The following CAMK2A variants were observed in gnomAD, a reference collection of about 807,000 sequenced individuals.
The protein encoded by CAMK2A is calcium/calmodulin-dependent protein kinase type II subunit alpha.
CAMK2A carries 7 observed loss-of-function variants against 79.2 expected under a neutral mutation model. The ratio of observed to expected loss-of-function variants is 0.09; its 90% CI spans 0.05 to 0.17. CAMK2A has a LOEUF of 0.17. CAMK2A is among the 10% of genes least tolerant of loss of function. The probability of loss-of-function intolerance (pLI) is 1.00; values close to 1 mark genes in which losing one functional copy is unlikely to be tolerated. For missense variants in CAMK2A, 214 were observed against 646.4 expected (o/e 0.33, Z 7.25); for synonymous variants, 242 against 251.7 (o/e 0.96, Z 0.36).
At chr5:150,283,654 C>G (rs1163201089) in intron 1 of CAMK2A, among the ~76,000 whole-genome samples, 2 of 152,206 alleles carry the variant, frequency 1.3e-5, no homozygotes, top group Non-Finnish European at 2.9e-5. Context: ...GCTCACAATT[C>G]CATGTGTGTG....
Position 150,284,166 on chromosome 5 carries a change from G to A in CAMK2A, c.62+5398C>T, listed in dbSNP as rs1580960656. Among the ~76,000 whole-genome samples, 1 of 151,430 alleles carries A rather than the reference G, an allele frequency of 6.6e-6. No individual in the cohort carries two copies. Among genetic ancestry groups the A allele is most frequent in the Middle Eastern group, 3.5e-3 (1 of 286 alleles). On this transcript the variant is annotated intron_variant, in intron 1 of 18. Transcript: ENST00000671881. The surrounding 1 kb of genome is among the most constrained non-coding windows in gnomAD (Gnocchi z 5.3). Reference sequence around the variant, plus strand: ...GACAGAGGCAGAGTGAGACCAGAGAGACAGAGACAGAGTGAGACCAGAGAG... The same window carrying A: ...GACAGAGGCAGAGTGAGACCAGAGAAACAGAGACAGAGTGAGACCAGAGAG...
intron 2 of CAMK2A, among the ~76,000 whole-genome samples, chr5:150,268,327 C>G (rs1436436075): frequency 6.6e-6 from 1 of 152,162 alleles, no homozygotes; most frequent in African/African-American, 2.4e-5. Flanking sequence ...CTCCTCTCTG[C>G]CCTGACACAC....
intron 1 of CAMK2A, among the ~76,000 whole-genome samples, chr5:150,274,298 T>C (rs1756866714): frequency 6.6e-6 from 1 of 152,216 alleles, no homozygotes; most frequent in Non-Finnish European, 1.5e-5. Context: ...AAAAACATTG[T>C]CACCATGTAG....
intron 9 of CAMK2A, 116 bp downstream of exon 9, chr5:150,251,634 T>A: frequency 1.4e-6 from 1 of 705,646 alleles, no homozygotes; most frequent in Non-Finnish European, 2.3e-6. Context: ...CCCTGGTCAG[T>A]CTTCATGCTC....
intron 17 of CAMK2A, among the ~76,000 whole-genome samples, chr5:150,225,489 G>A (rs183378712): frequency 2.6e-5 from 4 of 152,302 alleles, no homozygotes; most frequent in African/African-American, 7.2e-5. Flanking sequence ...GATGGGGCCC[G>A]CTGCATAGAG....
chr5:150,289,493 C>CA, intron 1 of CAMK2A, 71 bp downstream of exon 1: 1 of 1,203,716 alleles, frequency 8.3e-7, no homozygotes, highest in African/African-American at 1.5e-5. Context: ...ACTGCAGGCA[C>CA]ACACACCCCA....
chr5:150,278,896 C>A (rs184142769), intron 1 of CAMK2A, among the ~76,000 whole-genome samples: 20 of 152,146 alleles, frequency 1.3e-4, no homozygotes, highest in African/African-American at 4.8e-4. Context: ...TCCACGTGAG[C>A]CAGAGGGTCA....
rs767890364 is a variant in CAMK2A, at chr5:150,251,741, G to A, written c.693+9C>T. On this transcript the variant is annotated intron_variant, in intron 9 of 18. Transcript: ENST00000671881. ...GATGATGGGAGCTGAAGAGAGGAGC[G>A]ACACTCACATCATAGGCGCCGGCTT... is the stretch of plus-strand genomic sequence containing the variant. 29 of 1,585,764 alleles carry A rather than the reference G, an allele frequency of 1.8e-5. No individual in the cohort carries two copies. Among genetic ancestry groups the A allele is most frequent in the Admixed American group, 9.0e-5 (5 of 55,840 alleles).
At position 150,245,146 on chromosome 5, in the gene CAMK2A, C is replaced by T. The variant is rs774900429; in HGVS notation, c.984+15G>A. 1 of 1,613,374 alleles carries T rather than the reference C, an allele frequency of 6.2e-7. No individual in the cohort carries two copies. The highest frequency in any genetic ancestry group is 1.1e-5 in the South Asian group (1 of 90,932). ...TGCCAGAGCCAAGCCCTGCCAGGCT[C>T]CTGGAGGGGCTTACCTTCACACCAT... On this transcript the variant is annotated intron_variant, in intron 13 of 18. Coordinates refer to ENST00000671881, the MANE Select transcript of CAMK2A (RefSeq NM_015981.4).
rs953537490 is a variant in CAMK2A at position 150,222,949 on chromosome 5, CT to C, written c.1466+39del. On this transcript the variant is annotated intron_variant, in intron 18 of 18. Transcript: ENST00000671881. ...CCCCCTCCAGGGCAACACTCCCATCCTTTACATTACCCTGGGAGGCAGGAAG... is the reference window on the plus strand; with the variant it reads ...CCCCCTCCAGGGCAACACTCCCATCCTTACATTACCCTGGGAGGCAGGAAG... 5.7e-6 allele frequency: 9 copies of C among 1,578,484 alleles called. No individual in the cohort carries two copies. In the Admixed American group the frequency reaches 1.2e-4, roughly 20 times the overall value.
chr5:150,265,813 G>A (rs1452414188), intron 2 of CAMK2A, among the ~76,000 whole-genome samples: 1 of 151,890 alleles, frequency 6.6e-6, no homozygotes, highest in African/African-American at 2.4e-5. Flanking sequence ...GTGGTGGCAG[G>A]TGCCTGTAAT....
chr5:150,280,600 A>G (rs1002059124), intron 1 of CAMK2A, among the ~76,000 whole-genome samples: 2 of 152,122 alleles, frequency 1.3e-5, no homozygotes, highest in Admixed American at 6.5e-5. Context: ...GCTCCATGGA[A>G]GAAATGCCTG....
At chr5:150,232,986 C>T (rs944725309) in intron 15 of CAMK2A, among the ~76,000 whole-genome samples, 6 of 152,242 alleles carry the variant, frequency 3.9e-5, no homozygotes, top group Non-Finnish European at 7.3e-5. Context: ...GCCCCTGAGG[C>T]CCCAGCTCAC....
In CAMK2A at chr5:150,265,033, A is replaced by AGG; in HGVS notation, c.158-19_158-18insCC. The AGG allele has an allele frequency of 6.2e-7, 1 of 1,600,446 alleles. No homozygotes were observed. The highest frequency in any genetic ancestry group is 8.6e-7 in the Non-Finnish European group (1 of 1,167,576). On this transcript the variant is annotated intron_variant, in intron 2 of 18. Coordinates refer to ENST00000671881, the MANE Select transcript of CAMK2A (RefSeq NM_015981.4). ...CTGATGGTCTGAAACACAGAGGCTCATGTGAGTCCCCGGTGAGGAAGGAAC... is the reference window on the plus strand; with the variant it reads ...CTGATGGTCTGAAACACAGAGGCTCAGGTGTGAGTCCCCGGTGAGGAAGGAAC...
chr5:150,264,878 C>A (rs1303848930), intron 3 of CAMK2A, 78 bp downstream of exon 3: 7 of 1,149,328 alleles, frequency 6.1e-6, no homozygotes, highest in Non-Finnish European at 7.9e-6. Context: ...CCACCCAACC[C>A]GCAAACACCC....
intron 11 of CAMK2A, among the ~76,000 whole-genome samples, chr5:150,248,815 T>C (rs1039971285): frequency 3.3e-5 from 5 of 152,086 alleles, no homozygotes; most frequent in Admixed American, 6.5e-5. Context: ...TGTGTCTTTA[T>C]AGCACCATGA....
At chr5:150,235,053 T>C (rs1755004078) in intron 15 of CAMK2A, among the ~76,000 whole-genome samples, 1 of 152,208 alleles carries the variant, frequency 6.6e-6, no homozygotes, top group Admixed American at 6.5e-5. Flanking sequence ...TCTGAGTACG[T>C]GCACACAATA....
chr5:150,257,298 G>A (rs761039359), intron 4 of CAMK2A, among the ~76,000 whole-genome samples: 2 of 152,134 alleles, frequency 1.3e-5, no homozygotes, highest in Non-Finnish European at 2.9e-5. Context: ...TATTCCAGAA[G>A]GAAACTTTAT....
chr5:150,273,253 C>T lies in CAMK2A; in HGVS notation c.63-94G>A, dbSNP rs547237865. 362 of 928,736 alleles carry T rather than the reference C, an allele frequency of 3.9e-4. 1 individual carries two copies. In the African/African-American group the frequency reaches 4.9e-3, roughly 13 times the overall value. The allele number at this position is 928,736 out of a possible 1,614,324, so 57.5% of individuals were successfully genotyped here. ...GTTCACATCACTGCCCCACGCTAGA[C>T]AGAAGCCCTTCATCAGAGCTGCTCA... is the stretch of plus-strand genomic sequence containing the variant. On this transcript the variant is annotated intron_variant, in intron 1 of 18. Transcript: ENST00000671881.
Sources: allele counts gnomAD v4.1 joint callset (sites outside exome capture counted in the v4.1 genomes callset), GRCh38; gene constraint gnomAD v4.1.1; non-coding constraint Gnocchi (gnomAD v3.1); transcripts MANE v1.5; gene names NCBI Gene and HGNC (gene_info 2026-07-23, HGNC 2026-07-21).